The following CC2D2A variants were observed in gnomAD, a reference collection of about 807,000 sequenced individuals.
The protein encoded by CC2D2A is coiled-coil and C2 domain containing 2A, also known as coiled-coil and C2 domain-containing protein 2A.
CC2D2A carries 155 observed loss-of-function variants against 212.9 expected under a neutral mutation model. The observed-to-expected ratio is 0.73, with a 90% confidence interval of 0.64 to 0.83. The LOEUF is 0.83. Among genes scored for constraint, CC2D2A ranks in the 40% least tolerant of loss-of-function variants. The pLI, the probability that CC2D2A is intolerant of heterozygous loss-of-function variation, is 0.00. For synonymous variants in CC2D2A, 667 were observed against 686.5 expected (o/e 0.97, Z 0.44); for missense variants, 1,856 against 1,956.2 (o/e 0.95, Z 0.97).
chr4:15,560,671 TTATACTC>T (rs1719541223), intron 23 of CC2D2A, 49 bp downstream of exon 23: 1 of 762,642 alleles, frequency 1.3e-6, no homozygotes, highest in African/African-American at 1.8e-5. Context: ...AAATTATTAT[TTATACTC>T]TATTATATGA....
intron 33 of CC2D2A, among the ~76,000 whole-genome samples, chr4:15,590,883 C>T (rs1008748392): frequency 1.3e-5 from 2 of 151,988 alleles, no homozygotes; most frequent in Non-Finnish European, 2.9e-5. Context: ...ATCACAGGCA[C>T]GTGCCACCTT....
intron 4 of CC2D2A, chr4:15,481,684 G>C (rs1290005698): frequency 1.2e-5 from 8 of 666,720 alleles, no homozygotes; most frequent in African/African-American, 2.0e-5. Context: ...GCAGAACAGT[G>C]AGCCAAAATA....
chr4:15,513,856 C>G (rs1179554936), intron 8 of CC2D2A, among the ~76,000 whole-genome samples: 3 of 152,118 alleles, frequency 2.0e-5, no homozygotes, highest in Non-Finnish European at 4.4e-5. Context: ...TTCCCTTTTT[C>G]CTTCTTATTC....
chr4:15,480,610 G>T, intron 3 of CC2D2A, 94 bp from the exon 4 acceptor site: 3 of 1,413,806 alleles, frequency 2.1e-6, no homozygotes, highest in South Asian at 1.4e-5. Context: ...TAGTACTAAG[G>T]CCTGTCCCCT....
In CC2D2A at chr4:15,580,057, T is replaced by G; in HGVS notation, c.3861T>G (p.Leu1287=). Residue 1287 remains leucine, a synonymous_variant, in exon 30 of 37, where the codon CTT becomes CTG. Coordinates refer to ENST00000424120, the MANE Select transcript of CC2D2A (RefSeq NM_001378615.1). ...TAAAGTTTCCAAATCGTCAGTGCCTTACAACAGTAATTGATATAAGCGGAA... is the reference window on the plus strand; with the variant it reads ...TAAAGTTTCCAAATCGTCAGTGCCTGACAACAGTAATTGATATAAGCGGAA... The part of the protein sequence containing the change: ...CALKFPNRQC[L]TTVIDISGKT... The G allele has an allele frequency of 1.2e-6, 2 of 1,613,940 alleles. No individual in the cohort carries two copies. The highest frequency in any genetic ancestry group is 1.7e-6 in the Non-Finnish European group (2 of 1,179,852).
Position 15,472,671 on chromosome 4 carries a change from A to G in CC2D2A, c.-19+2614A>G, listed in dbSNP as rs1577301840. Among the ~76,000 whole-genome samples the G allele has an allele frequency of 2.7e-5, 4 of 145,714 alleles. No individual in the cohort carries two copies. The South Asian group carries it at 6.4e-4, about 23-fold the overall frequency. ...GGTTTTTTTTTTTTTTCAGTTTGCA[A>G]TGACCAGAGTTGTTCATTAGAGAGC... On this transcript the variant is annotated intron_variant, in intron 1 of 36. Coordinates refer to ENST00000424120, the MANE Select transcript of CC2D2A (RefSeq NM_001378615.1).
At chr4:15,512,113 A>C (rs1050032875) in intron 8 of CC2D2A, among the ~76,000 whole-genome samples, 2 of 152,250 alleles carry the variant, frequency 1.3e-5, no homozygotes, top group Non-Finnish European at 2.9e-5. Context: ...GCTTGTAGCC[A>C]TGTAAAACAG....
chr4:15,516,944 C>CTTTTTTTTTTTT (rs397992357), intron 11 of CC2D2A, among the ~76,000 whole-genome samples, 188 bp downstream of exon 11: 1 of 95,792 alleles, frequency 1.0e-5, no homozygotes, highest in African/African-American at 4.1e-5. Flanking sequence ...TGCATCCCTT[C>CTTTTTTTTTTTT]TTTTTTTTTT....
intron 6 of CC2D2A, 111 bp from the exon 7 acceptor site, chr4:15,510,028 A>C: frequency 5.2e-6 from 4 of 767,644 alleles, no homozygotes; most frequent in Non-Finnish European, 8.7e-6. Flanking sequence ...GATAAGATGC[A>C]GCAGCAGTCA....
At chr4:15,529,041 A>G (rs1159713643) in intron 13 of CC2D2A, among the ~76,000 whole-genome samples, 1 of 152,204 alleles carries the variant, frequency 6.6e-6, no homozygotes, top group Non-Finnish European at 1.5e-5. Flanking sequence ...ATTCAGATAC[A>G]AGATGTTCTT....
At chr4:15,552,513 T>C (rs1719056646) in intron 18 of CC2D2A, among the ~76,000 whole-genome samples, 1 of 152,196 alleles carries the variant, frequency 6.6e-6, no homozygotes, top group African/African-American at 2.4e-5. Flanking sequence ...CCTAATTTGT[T>C]TCTCCTTAGC....
At chr4:15,570,283 A>T in intron 27 of CC2D2A, 115 bp from the exon 28 acceptor site, 1 of 613,998 alleles carries the variant, frequency 1.6e-6, no homozygotes, top group South Asian at 2.3e-5. Flanking sequence ...GATTAGGTCT[A>T]TCTAATATAA....
intron 36 of CC2D2A, among the ~76,000 whole-genome samples, chr4:15,601,006 G>A (rs1721568406): frequency 6.6e-6 from 1 of 152,038 alleles, no homozygotes; most frequent in South Asian, 2.1e-4. Flanking sequence ...TCAAAAAGAG[G>A]GAACAGTGAT....
At chr4:15,511,527 C>T (rs1336892728) in intron 8 of CC2D2A, 104 bp downstream of exon 8, 3 of 1,021,312 alleles carry the variant, frequency 2.9e-6, no homozygotes, top group Non-Finnish European at 4.1e-6. Context: ...CTGCCACCAC[C>T]AGGAGAATGA....
chr4:15,537,979 C>G lies in CC2D2A; in HGVS notation c.1845C>G (p.Asp615Glu). 1 of 1,610,366 alleles carries G rather than the reference C, an allele frequency of 6.2e-7. No individual in the cohort carries two copies. Among genetic ancestry groups the G allele is most frequent in the Non-Finnish European group, 8.5e-7 (1 of 1,178,442 alleles). ...DEIAEPYPEE[D>E]LVKPSPPEPT... is the part of the protein sequence containing the mutation. ...TTGCAGAGCCGTATCCCGAGGAGGA[C>G]CTTGTGAAGCCCAGCCCTCCAGAGC... Residue 615 changes from aspartate to glutamate, a missense_variant, in exon 16 of 37, where the codon GAC becomes GAG. Transcript: ENST00000424120.
intron 17 of CC2D2A, among the ~76,000 whole-genome samples, chr4:15,547,833 A>G (rs1205944494): frequency 6.6e-6 from 1 of 152,090 alleles, no homozygotes; most frequent in African/African-American, 2.4e-5. Flanking sequence ...TGAGGTTGGC[A>G]GTTCGAGACC....
chr4:15,598,315 C>G (rs770363323), intron 35 of CC2D2A, among the ~76,000 whole-genome samples: 2 of 152,178 alleles, frequency 1.3e-5, no homozygotes, highest in Non-Finnish European at 2.9e-5. Context: ...CCTATGACTA[C>G]TGAACAATGA....
At chr4:15,478,661 T>C in intron 2 of CC2D2A, 62 bp from the exon 3 acceptor site, 1 of 1,266,752 alleles carries the variant, frequency 7.9e-7, no homozygotes, top group Non-Finnish European at 1.1e-6. Flanking sequence ...TTAATTTTAA[T>C]ACCTAAAAGT....
Position 15,599,581 on chromosome 4 carries a change from A to T in CC2D2A, c.4549A>T (p.Thr1517Ser). 1 of 1,608,046 alleles carries T rather than the reference A, an allele frequency of 6.2e-7. No individual in the cohort carries two copies. Among genetic ancestry groups the T allele is most frequent in the Non-Finnish European group, 8.5e-7 (1 of 1,175,834 alleles). The change falls in exon 36 of 37, where the codon ACT (threonine) becomes TCT (serine). Residue 1517 changes from threonine (T) to serine (S), a missense_variant. Physicochemically the swap from Thr to Ser is moderately conservative, Grantham distance 58. This residue lies in a region of CC2D2A where 285 missense variants were observed against 278.4 expected (regional missense o/e 1.02). Coordinates refer to ENST00000424120, the MANE Select transcript of CC2D2A (RefSeq NM_001378615.1). ...CATGGACTGGAGGCCACGCCATCTG[A>T]CTCGGTGGAATAGGTATTGTACCTC... ...KIMDWRPRHLTRWNRYCTSTL... is the reference protein window; with the variant it reads ...KIMDWRPRHLSRWNRYCTSTL...
Sources: gnomAD v4.1 joint callset for allele counts (sites outside exome capture counted in the v4.1 genomes callset) on GRCh38, gnomAD v4.1.1 for gene constraint, gnomAD v4.1.1 regional missense constraint, MANE v1.5 for transcripts, NCBI Gene and HGNC (gene_info 2026-07-23, HGNC 2026-07-21) for gene names.